ARK2N: variants seen among roughly 807,000 people sequenced by gnomAD.
ARK2N encodes arkadia (RNF111) N-terminal like PKA signaling regulator 2N.
the ARK2N span, among the ~76,000 whole-genome samples, chr18:46,199,512 A>G: frequency 0.031 from 3,482 of 110,698 alleles, 131 homozygotes; most frequent in East Asian, 0.16. Flanking sequence ...TTTTTAGTAG[A>G]GGTGGGGTTT....
chr18:46,235,531 C>T, the ARK2N span, among the ~76,000 whole-genome samples: 1 of 152,182 alleles, frequency 6.6e-6, no homozygotes, highest in Non-Finnish European at 1.5e-5. Context: ...TAACCCTCAC[C>T]ATAACTCCGT....
chr18:46,202,095 A>G, the ARK2N span, among the ~76,000 whole-genome samples: 2 of 151,956 alleles, frequency 1.3e-5, no homozygotes, highest in South Asian at 4.1e-4. Flanking sequence ...AGTTTTCTTA[A>G]CTTTGCCCTG....
chr18:46,259,243 CTTT>C, the ARK2N span, among the ~76,000 whole-genome samples: 10 of 136,638 alleles, frequency 7.3e-5, no homozygotes, highest in Admixed American at 2.2e-4. Context: ...TTCTTTCTTT[CTTT>C]TTTTTTTTTT....
chr18:46,229,038 T>C, the ARK2N span: 1 of 375,406 alleles, frequency 2.7e-6, no homozygotes, highest in Admixed American at 4.5e-5. Context: ...GATTAAATTC[T>C]TAGAACCTAT....
chr18:46,240,265 G>A, the ARK2N span: 1 of 1,478,716 alleles, frequency 6.8e-7, no homozygotes, highest in African/African-American at 1.4e-5. Flanking sequence ...AGTGGACCCT[G>A]ATGAGGAGAA....
the ARK2N span, among the ~76,000 whole-genome samples, chr18:46,200,029 A>G: frequency 6.6e-6 from 1 of 151,994 alleles, no homozygotes; most frequent in Admixed American, 6.6e-5. Context: ...TTTAAGCGCC[A>G]GCATCAGATG....
At chr18:46,216,079 T>A in the ARK2N span, 1 of 1,614,126 alleles carries the variant, frequency 6.2e-7, no homozygotes, top group Non-Finnish European at 8.5e-7. The surrounding 1 kb of genome is among the most constrained non-coding windows in gnomAD (Gnocchi z 4.3). Flanking sequence ...AAGGGACTCT[T>A]CTGAGTCTCA....
the ARK2N span, among the ~76,000 whole-genome samples, chr18:46,222,762 A>G: frequency 4.6e-5 from 7 of 152,042 alleles, no homozygotes; most frequent in Non-Finnish European, 1.0e-4. Flanking sequence ...AGCAGAGGAG[A>G]CAGAGAGTTC....
chr18:46,188,109 G>A, the ARK2N span, among the ~76,000 whole-genome samples: 10 of 152,186 alleles, frequency 6.6e-5, no homozygotes, highest in African/African-American at 2.4e-4. Context: ...GGCACATACT[G>A]TTTTTATGAT....
chr18:46,220,429 A>G, the ARK2N span, among the ~76,000 whole-genome samples: 1 of 152,190 alleles, frequency 6.6e-6, no homozygotes. Flanking sequence ...TAATTAACTT[A>G]TTATGCTTGA....
At chr18:46,219,274 G>A in the ARK2N span, 2 of 151,976 alleles carry the variant, frequency 1.3e-5, no homozygotes, top group Non-Finnish European at 2.9e-5. Context: ...TCTCTTTGAA[G>A]TTTTTGGAAA....
chr18:46,179,728 C>A, the ARK2N span, among the ~76,000 whole-genome samples: 1 of 151,324 alleles, frequency 6.6e-6, no homozygotes, highest in African/African-American at 2.4e-5. Flanking sequence ...TGGGTTCAAG[C>A]GATTCTCCTG....
At chr18:46,245,493 C>T in the ARK2N span, among the ~76,000 whole-genome samples, 1 of 151,406 alleles carries the variant, frequency 6.6e-6, no homozygotes, top group African/African-American at 2.4e-5. Context: ...ATTGCTTGAT[C>T]CCGGCAGGTG....
chr18:46,250,491 T>TACACACACACAC, the ARK2N span, among the ~76,000 whole-genome samples: 1,828 of 129,744 alleles, frequency 0.014, 72 homozygotes, highest in African/African-American at 0.047. Context: ...CCTCCATTCG[T>TACACACACACAC]ACACACACAC....
At chr18:46,240,299 C>A in the ARK2N span, 1 of 1,162,318 alleles carries the variant, frequency 8.6e-7, no homozygotes, top group Non-Finnish European at 1.2e-6. Context: ...AGACATCTGG[C>A]ATTGAATGAT....
the ARK2N span, among the ~76,000 whole-genome samples, chr18:46,224,215 G>A: frequency 2.0e-5 from 3 of 152,170 alleles, no homozygotes; most frequent in African/African-American, 4.8e-5. Context: ...GCTCTCCAGA[G>A]GGGAAGGATG....
At chr18:46,239,850 T>C in the ARK2N span, among the ~76,000 whole-genome samples, 1 of 152,224 alleles carries the variant, frequency 6.6e-6, no homozygotes, top group South Asian at 2.1e-4. Flanking sequence ...CTTTTTCACT[T>C]TCACATTTTG....
the ARK2N span, among the ~76,000 whole-genome samples, chr18:46,174,793 C>T: frequency 6.6e-6 from 1 of 152,206 alleles, no homozygotes; most frequent in Non-Finnish European, 1.5e-5. Flanking sequence ...GCGGCAACTC[C>T]GCCAGCTCCG....
the ARK2N span, among the ~76,000 whole-genome samples, chr18:46,191,140 G>A: frequency 6.6e-6 from 1 of 151,912 alleles, no homozygotes; most frequent in African/African-American, 2.4e-5. Flanking sequence ...TTGACCCCCA[G>A]TAGCTCTCAA....
Sources: gnomAD v4.1 joint callset for allele counts (sites outside exome capture counted in the v4.1 genomes callset) on GRCh38, gnomAD v4.1.1 for gene constraint, Gnocchi (gnomAD v3.1) non-coding constraint, MANE v1.5 for transcripts, NCBI Gene and HGNC (gene_info 2026-07-23, HGNC 2026-07-21) for gene names.